ATOSB: variants seen among roughly 807,000 people sequenced by gnomAD.
The protein encoded by ATOSB is atos homolog B.
chr9:35,113,677 G>T, the ATOSB span, among the ~76,000 whole-genome samples: 1 of 141,198 alleles, frequency 7.1e-6, no homozygotes, highest in Non-Finnish European at 1.5e-5. Context: ...AATAAATAAA[G>T]AGGCCTTACC....
At chr9:35,105,374 C>T in the ATOSB span, 1 of 1,608,992 alleles carries the variant, frequency 6.2e-7, no homozygotes, top group Non-Finnish European at 8.5e-7. This position sits in a 1 kb window ranked among gnomAD's most constrained non-coding sequence, Gnocchi z 5.5. Context: ...AGCTCCGGAA[C>T]CTGGAGGAGG....
At chr9:35,106,184 C>T in the ATOSB span, 3 of 1,600,436 alleles carry the variant, frequency 1.9e-6, no homozygotes, top group East Asian at 2.2e-5. The surrounding 1 kb of genome is among the most constrained non-coding windows in gnomAD (Gnocchi z 4.6). Context: ...TACCTCTTGC[C>T]CCCTGGCCCC....
At chr9:35,108,139 C>CG in the ATOSB span, 1 of 1,575,936 alleles carries the variant, frequency 6.3e-7, no homozygotes, top group Non-Finnish European at 8.6e-7. Context: ...TGGTAGACCC[C>CG]GGGGGATGTC....
At chr9:35,104,619 A>G in the ATOSB span, 1 of 430,622 alleles carries the variant, frequency 2.3e-6, no homozygotes. Flanking sequence ...TTTCAGAGAT[A>G]GGTCAGAGGG....
the ATOSB span, chr9:35,109,843 T>C: frequency 6.6e-6 from 1 of 152,332 alleles, no homozygotes; most frequent in African/African-American, 2.4e-5. Flanking sequence ...AGACCGACCA[T>C]AGAGTTCCTG....
the ATOSB span, chr9:35,105,736 T>C: frequency 6.2e-7 from 1 of 1,613,756 alleles, no homozygotes; most frequent in Non-Finnish European, 8.5e-7. This position sits in a 1 kb window ranked among gnomAD's most constrained non-coding sequence, Gnocchi z 5.5. Flanking sequence ...ATTTCCCTCC[T>C]CACCCACAGG....
the ATOSB span, chr9:35,112,476 C>T: frequency 1.3e-5 from 2 of 152,232 alleles, no homozygotes; most frequent in Admixed American, 1.3e-4. Flanking sequence ...CCCACTGAGT[C>T]ACTGGGCCCC....
At chr9:35,106,425 G>A in the ATOSB span, 1 of 1,614,024 alleles carries the variant, frequency 6.2e-7, no homozygotes, top group Admixed American at 1.7e-5. This position sits in a 1 kb window ranked among gnomAD's most constrained non-coding sequence, Gnocchi z 4.6. Context: ...GATTAGGGTA[G>A]GGAAAACACA....
At chr9:35,111,642 C>T in the ATOSB span, 1 of 152,084 alleles carries the variant, frequency 6.6e-6, no homozygotes. Context: ...CGGCCACGGC[C>T]GCCACGCCCC....
At chr9:35,114,070 T>C in the ATOSB span, among the ~76,000 whole-genome samples, 2 of 152,210 alleles carry the variant, frequency 1.3e-5, no homozygotes, top group African/African-American at 4.8e-5. Flanking sequence ...TTCTAATGAC[T>C]GTTGTTCACT....
the ATOSB span, among the ~76,000 whole-genome samples, chr9:35,115,287 A>T: frequency 6.6e-6 from 1 of 152,056 alleles, no homozygotes. Flanking sequence ...AGCTGAGCAG[A>T]CAGGAGTGCA....
chr9:35,107,979 A>G, the ATOSB span: 1 of 1,599,448 alleles, frequency 6.3e-7, no homozygotes, highest in Non-Finnish European at 8.5e-7. Flanking sequence ...TAAGAGCCCC[A>G]CAGTAGATGG....
the ATOSB span, chr9:35,105,456 C>G: frequency 1.0e-5 from 15 of 1,503,724 alleles, no homozygotes; most frequent in Admixed American, 7.8e-5. This position sits in a 1 kb window ranked among gnomAD's most constrained non-coding sequence, Gnocchi z 5.5. Context: ...CTTTGGGAGA[C>G]CCAGGTGGGA....
At chr9:35,108,338 G>T in the ATOSB span, 1 of 1,468,764 alleles carries the variant, frequency 6.8e-7, no homozygotes, top group Non-Finnish European at 8.9e-7. Flanking sequence ...GGGCTGGGGG[G>T]CCTGGGGACA....
chr9:35,105,455 A>C, the ATOSB span: 20 of 1,506,656 alleles, frequency 1.3e-5, no homozygotes, highest in Non-Finnish European at 1.4e-5. This position sits in a 1 kb window ranked among gnomAD's most constrained non-coding sequence, Gnocchi z 5.5. Context: ...GCTTTGGGAG[A>C]CCCAGGTGGG....
chr9:35,104,821 A>C, the ATOSB span: 1 of 177,070 alleles, frequency 5.6e-6, no homozygotes, highest in African/African-American at 2.4e-5. Context: ...GAGTGATGCC[A>C]ATTATCAGGT....
At chr9:35,108,715 C>T in the ATOSB span, 2 of 995,322 alleles carry the variant, frequency 2.0e-6, no homozygotes, top group South Asian at 4.4e-5. Context: ...CCATTCCGTG[C>T]AGCTCCTGAG....
chr9:35,105,146 T>C, the ATOSB span: 1 of 1,458,030 alleles, frequency 6.9e-7, no homozygotes, highest in African/African-American at 1.4e-5. The surrounding 1 kb of genome is among the most constrained non-coding windows in gnomAD (Gnocchi z 5.5). Context: ...TCTCTTGCTG[T>C]CTCTCCATAT....
At chr9:35,107,352 AG>A in the ATOSB span, 1 of 1,575,930 alleles carries the variant, frequency 6.3e-7, no homozygotes, top group Admixed American at 2.0e-5. Flanking sequence ...AAGTAAAAAA[AG>A]AGTAAATGAG....
Sources: allele counts gnomAD v4.1 joint callset (sites outside exome capture counted in the v4.1 genomes callset), GRCh38; gene constraint gnomAD v4.1.1; non-coding constraint Gnocchi (gnomAD v3.1); transcripts MANE v1.5; gene names NCBI Gene and HGNC (gene_info 2026-07-23, HGNC 2026-07-21).